The following CHCHD6 variants were observed in gnomAD, a reference collection of about 807,000 sequenced individuals.
The protein encoded by CHCHD6 is coiled-coil-helix-coiled-coil-helix domain containing 6.
CHCHD6 carries 28 observed loss-of-function variants against 32.3 expected under a neutral mutation model. The ratio of observed to expected loss-of-function variants is 0.87; its 90% CI spans 0.64 to 1.19. CHCHD6 has a LOEUF of 1.19. Among genes scored for constraint, CHCHD6 ranks in the 50% most tolerant of loss-of-function variants. The pLI is 0.00. For synonymous variants in CHCHD6, 122 were observed against 117.5 expected, an observed-to-expected ratio of 1.04 and a Z score of -0.25; for missense variants, 333 against 307.0, an observed-to-expected ratio of 1.08 and a Z score of -0.63.
chr3:126,906,441 C>T (rs947425378), intron 5 of CHCHD6, among the ~76,000 whole-genome samples: 1 of 152,250 alleles, frequency 6.6e-6, no homozygotes, highest in African/African-American at 2.4e-5. Flanking sequence ...GGCTCTGCGG[C>T]TTGAGGCCCA....
chr3:126,738,265 C>G (rs1468576858), intron 4 of CHCHD6, among the ~76,000 whole-genome samples: 2 of 152,178 alleles, frequency 1.3e-5, no homozygotes, highest in Non-Finnish European at 2.9e-5. Flanking sequence ...TCGAAGTCCA[C>G]AGATACAGAG....
chr3:126,891,761 G>T (rs566853522), intron 5 of CHCHD6, among the ~76,000 whole-genome samples: 2 of 152,268 alleles, frequency 1.3e-5, no homozygotes, highest in East Asian at 3.9e-4. Flanking sequence ...TGATGGGCTT[G>T]AGGGGTTAAG....
intron 1 of CHCHD6, among the ~76,000 whole-genome samples, chr3:126,720,508 T>C (rs1935231798): frequency 6.6e-6 from 1 of 152,178 alleles, no homozygotes; most frequent in African/African-American, 2.4e-5. Flanking sequence ...AGGGCCTGGT[T>C]TGTAGCACTG....
At chr3:126,862,720 A>T (rs1261659710) in intron 5 of CHCHD6, among the ~76,000 whole-genome samples, 2 of 56,674 alleles carry the variant, frequency 3.5e-5, no homozygotes, top group East Asian at 5.6e-4. Context: ...CTCCTCCTCT[A>T]CCATCACCAC....
intron 6 of CHCHD6, among the ~76,000 whole-genome samples, chr3:126,940,805 T>A (rs567472542): frequency 6.6e-6 from 1 of 152,218 alleles, no homozygotes; most frequent in African/African-American, 2.4e-5. Flanking sequence ...TCTTCAAGTA[T>A]TAAGTGAGGG....
intron 1 of CHCHD6, among the ~76,000 whole-genome samples, chr3:126,705,418 A>G (rs1463526290): frequency 1.3e-5 from 2 of 152,186 alleles, no homozygotes; most frequent in African/African-American, 2.4e-5. Flanking sequence ...TAAACCCTTT[A>G]TAAGTTAACT....
intron 4 of CHCHD6, among the ~76,000 whole-genome samples, chr3:126,776,828 C>T (rs1044701543): frequency 5.3e-5 from 8 of 151,976 alleles, no homozygotes; most frequent in South Asian, 2.1e-4. Context: ...ATGTTATAAT[C>T]GATGGTGTCT....
At chr3:126,723,292 A>C (rs1447393779) in intron 1 of CHCHD6, among the ~76,000 whole-genome samples, 5 of 152,150 alleles carry the variant, frequency 3.3e-5, no homozygotes, top group African/African-American at 1.2e-4. Context: ...TAAAAAAATT[A>C]AGATGCAAAA....
At chr3:126,725,665 G>T (rs1935495568) in intron 1 of CHCHD6, among the ~76,000 whole-genome samples, 1 of 152,216 alleles carries the variant, frequency 6.6e-6, no homozygotes, top group Admixed American at 6.5e-5. Flanking sequence ...GTAGAAGACT[G>T]TTCTGTTTAG....
At chr3:126,927,855 A>G (rs2078347114) in intron 6 of CHCHD6, among the ~76,000 whole-genome samples, 1 of 152,086 alleles carries the variant, frequency 6.6e-6, no homozygotes, top group Non-Finnish European at 1.5e-5. Context: ...AGCTTCCCCT[A>G]TTCCTGTTCT....
intron 1 of CHCHD6, among the ~76,000 whole-genome samples, chr3:126,705,043 C>T (rs1185586677): frequency 6.6e-6 from 1 of 152,142 alleles, no homozygotes; most frequent in African/African-American, 2.4e-5. Flanking sequence ...GCCTCAGGAC[C>T]GCCGTGTTTT....
At chr3:126,770,884 A>G (rs1260952580) in intron 4 of CHCHD6, among the ~76,000 whole-genome samples, 3 of 152,164 alleles carry the variant, frequency 2.0e-5, no homozygotes, top group Non-Finnish European at 2.9e-5. Flanking sequence ...ATTTTTTGAA[A>G]TAGTTTCAGT....
chr3:126,936,788 C>T (rs1012303560), intron 6 of CHCHD6, among the ~76,000 whole-genome samples: 1 of 152,244 alleles, frequency 6.6e-6, no homozygotes, highest in African/African-American at 2.4e-5. Context: ...CACCTGACCT[C>T]AAACAATCTG....
intron 1 of CHCHD6, among the ~76,000 whole-genome samples, chr3:126,718,023 C>T (rs1935100634): frequency 1.3e-5 from 2 of 152,164 alleles, no homozygotes; most frequent in South Asian, 4.1e-4. Flanking sequence ...GGCCCCTTTC[C>T]TTGGTGTCCC....
intron 4 of CHCHD6, chr3:126,766,851 A>G (rs1028388609): frequency 2.1e-6 from 2 of 965,356 alleles, no homozygotes; most frequent in African/African-American, 3.2e-5. Flanking sequence ...CCCGATGTCC[A>G]GGGAAGTCAA....
intron 5 of CHCHD6, among the ~76,000 whole-genome samples, chr3:126,901,708 G>T (rs567594840): frequency 2.0e-5 from 3 of 152,360 alleles, no homozygotes; most frequent in African/African-American, 7.2e-5. Flanking sequence ...TTCAAAGAGT[G>T]CAAGCAGGAT....
At chr3:126,935,202 A>C in intron 6 of CHCHD6, 1 of 976,166 alleles carries the variant, frequency 1.0e-6, no homozygotes, top group Non-Finnish European at 1.2e-6. Context: ...GGTGAGCGGG[A>C]TGGCAGGGCT....
intron 4 of CHCHD6, among the ~76,000 whole-genome samples, chr3:126,736,342 C>T (rs779184881): frequency 1.3e-5 from 2 of 152,152 alleles, no homozygotes; most frequent in African/African-American, 2.4e-5. Context: ...AGGGTTGGTC[C>T]TGAGATGGAA....
chr3:126,844,984 CT>C (rs1015852562), intron 4 of CHCHD6, among the ~76,000 whole-genome samples: 7 of 152,170 alleles, frequency 4.6e-5, no homozygotes, highest in Non-Finnish European at 8.8e-5. Context: ...TAGAACCCCC[CT>C]GATAGGTACA....
Sources: allele counts gnomAD v4.1 joint callset (sites outside exome capture counted in the v4.1 genomes callset), GRCh38; gene constraint gnomAD v4.1.1; transcripts MANE v1.5; gene names NCBI Gene and HGNC (gene_info 2026-07-23, HGNC 2026-07-21).